Variants in PSMD13 observed in about 807,000 individuals in gnomAD.
PSMD13 encodes 26S proteasome non-ATPase regulatory subunit 13.
Under a neutral mutation model 57.4 loss-of-function variants are expected in PSMD13, and 8 were observed. The ratio of observed to expected loss-of-function variants is 0.14; its 90% CI spans 0.08 to 0.25. PSMD13 has a LOEUF of 0.25. PSMD13 is among the 10% of genes least tolerant of loss of function. The pLI, the probability that PSMD13 is intolerant of heterozygous loss-of-function variation, is 1.00. For synonymous variants in PSMD13, 193 were observed against 168.2 expected (o/e 1.15, Z -1.14); for missense variants, 400 against 461.5 (o/e 0.87, Z 1.22).
chr11:248,723 A>G, intron 7 of PSMD13, 53 bp from the exon 8 acceptor site: 2 of 1,544,290 alleles, frequency 1.3e-6, no homozygotes, highest in Non-Finnish European at 1.8e-6. Flanking sequence ...TTAAAGCTAA[A>G]CAGGACTGAT....
At position 247,414 on chromosome 11, in the gene PSMD13, G is replaced by A; in HGVS notation, c.534G>A (p.Arg178=). The change falls in exon 7 of 13, where the codon CGG becomes CGA. Residue 178 remains arginine, a synonymous_variant. Coordinates refer to ENST00000532097, the MANE Select transcript of PSMD13 (RefSeq NM_002817.4). ...CGTCCTACTACAAAGATGCTCTGCG[G>A]TTTTTGGGCTGTGTTGACATCAAGG... ...NHASYYKDAL[R]FLGCVDIKDL... The A allele has an allele frequency of 6.2e-7, 1 of 1,614,106 alleles. No individual in the cohort carries two copies.
intron 9 of PSMD13, among the ~76,000 whole-genome samples, chr11:250,460 G>A (rs573880451): frequency 2.0e-5 from 3 of 152,320 alleles, no homozygotes; most frequent in African/African-American, 7.2e-5. Flanking sequence ...GCAGTAGGGT[G>A]TATCCTTCCC....
intron 2 of PSMD13, among the ~76,000 whole-genome samples, chr11:239,569 C>G (rs1478714761): frequency 6.6e-6 from 1 of 152,144 alleles, no homozygotes; most frequent in African/African-American, 2.4e-5. Context: ...TGCCCAGACA[C>G]TTCTGTCCTG....
At chr11:238,428 C>A (rs1304051609) in intron 1 of PSMD13, among the ~76,000 whole-genome samples, 3 of 152,210 alleles carry the variant, frequency 2.0e-5, no homozygotes, top group South Asian at 4.1e-4. Context: ...AGGAAAAGAA[C>A]TCAGGTTTAT....
Position 249,027 on chromosome 11 carries a change from C to G in PSMD13, c.744C>G (p.Phe248Leu), listed in dbSNP as rs201506453. Residue 248 changes from phenylalanine (F) to leucine (L), a missense_variant, in exon 9 of 13, where the codon TTC becomes TTG. Coordinates refer to ENST00000532097, the MANE Select transcript of PSMD13 (RefSeq NM_002817.4). ...YAFNSGNVER[F>L]QTLKTAWGQQ... ...TCAACAGTGGCAACGTAGAGCGGTT[C>G]CAGACTCTGAAGACTGCCTGGGGCC... 49 of 1,613,462 alleles carry G rather than the reference C, an allele frequency of 3.0e-5. No individual in the cohort carries two copies. Among genetic ancestry groups the G allele is most frequent in the Non-Finnish European group, 3.2e-5 (38 of 1,180,030 alleles).
At chr11:246,519 A>T (rs1277065297) in intron 6 of PSMD13, among the ~76,000 whole-genome samples, 1 of 152,120 alleles carries the variant, frequency 6.6e-6, no homozygotes, top group Non-Finnish European at 1.5e-5. Flanking sequence ...AGGGAGATTT[A>T]GGTTGTTTTT....
At position 240,101 on chromosome 11, in the gene PSMD13, CTT is replaced by C. The variant is rs60869932; in HGVS notation, c.174+1051_174+1052del. 8.3e-3 allele frequency among the ~76,000 whole-genome samples: 425 copies of C among 51,356 alleles called. 1 individual carries two copies. The highest frequency in any genetic ancestry group is 0.033 in the Middle Eastern group (1 of 30). The allele number at this position is 51,356 out of a possible 152,430, so 33.7% of individuals were successfully genotyped here. ...GTGGGAAAATGATAAATGAGACCTG[CTT>C]TTTTTTTTTTTTTTTTTTTTTTTTT... On this transcript the variant is annotated intron_variant, in intron 2 of 12. Coordinates refer to ENST00000532097, the MANE Select transcript of PSMD13 (RefSeq NM_002817.4).
At position 252,035 on chromosome 11, in the gene PSMD13, G is replaced by A; in HGVS notation, c.1035+99G>A. On this transcript the variant is annotated intron_variant, in intron 12 of 12. Transcript: ENST00000532097. The surrounding 1 kb of genome is among the most constrained non-coding windows in gnomAD (Gnocchi z 4.1). ...TGGATGGAAGCCATTTGGGAAGACA[G>A]CATTATTAGACAAGAGGTTTTGGAG... 1 of 1,123,352 alleles carries A rather than the reference G, an allele frequency of 8.9e-7. No homozygotes were observed. 69.6% of individuals were successfully genotyped at this position (1,123,352 alleles called of 1,614,324 possible). A position where few individuals can be genotyped will look rare whatever the true frequency, so the allele number is the denominator to read the frequency against.
chr11:250,440 AC>A (rs530261388), intron 9 of PSMD13, among the ~76,000 whole-genome samples: 13 of 151,810 alleles, frequency 8.6e-5, no homozygotes, highest in African/African-American at 2.9e-4. Flanking sequence ...CCTTGAAAGA[AC>A]CCCCCTGGGC....
chr11:243,012 T>C, intron 2 of PSMD13: 1 of 195,202 alleles, frequency 5.1e-6, no homozygotes, highest in Non-Finnish European at 9.6e-6. Flanking sequence ...ACCAGGATGG[T>C]TCCAATCTCT....
At chr11:245,718 G>T (rs77097235) in intron 6 of PSMD13, among the ~76,000 whole-genome samples, 6 of 108,748 alleles carry the variant, frequency 5.5e-5, no homozygotes, top group South Asian at 4.0e-4. Flanking sequence ...GTGTTTGTGT[G>T]TGTGTGTTTG....
At position 252,075 on chromosome 11, in the gene PSMD13, G is replaced by A. The variant is rs955226523; in HGVS notation, c.1035+139G>A. 1.4e-5 allele frequency: 11 copies of A among 804,750 alleles called. No individual in the cohort carries two copies. The highest frequency in any genetic ancestry group is 2.0e-5 in the Non-Finnish European group (10 of 493,624). The allele number at this position is 804,750 out of a possible 1,614,324, so 49.9% of individuals were successfully genotyped here. ...AGGTTTTGGAGAAGGAAATACTGCT[G>A]TTGGGTTTTTCTAAGAGCCTAATTT... On this transcript the variant is annotated intron_variant, in intron 12 of 12. Coordinates refer to ENST00000532097, the MANE Select transcript of PSMD13 (RefSeq NM_002817.4). This position sits in a 1 kb window ranked among gnomAD's most constrained non-coding sequence, Gnocchi z 4.1.
At chr11:244,399 T>C in intron 4 of PSMD13, 27 bp from the exon 5 acceptor site, 1 of 1,604,170 alleles carries the variant, frequency 6.2e-7, no homozygotes, top group Non-Finnish European at 8.5e-7. Flanking sequence ...CTGTTGATGG[T>C]CCTTCTGATT....
intron 2 of PSMD13, chr11:243,494 T>A (rs1859561550): frequency 3.2e-6 from 1 of 314,232 alleles, no homozygotes; most frequent in Non-Finnish European, 6.3e-6. Flanking sequence ...TGAACATAGA[T>A]CTTGAATCTC....
At chr11:241,505 G>C (rs1212990878) in intron 2 of PSMD13, among the ~76,000 whole-genome samples, 1 of 152,154 alleles carries the variant, frequency 6.6e-6, no homozygotes, top group Non-Finnish European at 1.5e-5. Context: ...TGCTACAGGG[G>C]TGTTTTCATC....
At chr11:248,152 A>G (rs2133990699) in intron 7 of PSMD13, 1 of 149,294 alleles carries the variant, frequency 6.7e-6, no homozygotes, top group East Asian at 2.1e-4. Flanking sequence ...TTCCAGACCC[A>G]TGGGGACAAA....
At chr11:244,365 G>T (rs1256944815) in intron 4 of PSMD13, 61 bp from the exon 5 acceptor site, 4 of 1,591,464 alleles carry the variant, frequency 2.5e-6, no homozygotes, top group African/African-American at 2.7e-5. Flanking sequence ...CTACCTAAGG[G>T]TGTCTTGGTT....
rs544875887 is a variant in PSMD13 at position 242,136 on chromosome 11, T to C, written c.175-1905T>C. On this transcript the variant is annotated intron_variant, in intron 2 of 12. Coordinates refer to ENST00000532097, the MANE Select transcript of PSMD13 (RefSeq NM_002817.4). The stretch of plus-strand genomic sequence containing the variant: ...GGCTGATGCACTTCTGCCCCTTTTT[T>C]TTTCTTTCTTTCTTTTTGCTCTTAA... Among the ~76,000 whole-genome samples, 1,078 of 151,376 alleles carry C rather than the reference T, an allele frequency of 7.1e-3. 15 individuals are homozygous for C. Among genetic ancestry groups the C allele is most frequent in the African/African-American group, 0.025 (1,017 of 41,196 alleles).
At position 237,022 on chromosome 11, in the gene PSMD13, C is replaced by G. The variant is rs369344513; in HGVS notation, c.-28C>G. 1.3e-6 allele frequency: 2 copies of G among 1,574,800 alleles called. No individual in the cohort carries two copies. Among genetic ancestry groups the G allele is most frequent in the Non-Finnish European group, 1.7e-6 (2 of 1,145,016 alleles). ...CCGCGGTGCTGACATCCCGGTTGTT[C>G]TTCTGTGCCGGGGGTCTTCCTGCTG... On this transcript the variant is annotated 5_prime_UTR_variant, in exon 1 of 13. Transcript: ENST00000532097.
Sources: allele counts gnomAD v4.1 joint callset (sites outside exome capture counted in the v4.1 genomes callset), GRCh38; gene constraint gnomAD v4.1.1; non-coding constraint Gnocchi (gnomAD v3.1); transcripts MANE v1.5; gene names NCBI Gene and HGNC (gene_info 2026-07-23, HGNC 2026-07-21).